GSE1: variants seen among roughly 807,000 people sequenced by gnomAD.
GSE1 encodes the protein genetic suppressor element 1.
A neutral mutation model predicts 112.6 loss-of-function variants in GSE1; 32 were observed. The observed-to-expected ratio is 0.28, with a 90% confidence interval of 0.21 to 0.38. The LOEUF is 0.38. Among genes scored for constraint, GSE1 ranks in the 10% least tolerant of loss-of-function variants. The pLI, the probability that GSE1 is intolerant of heterozygous loss-of-function variation, is 1.00. For synonymous variants in GSE1, 1,115 were observed against 735.6 expected, an observed-to-expected ratio of 1.52 and a Z score of -8.35; for missense variants, 2,348 against 1,699.2, an observed-to-expected ratio of 1.38 and a Z score of -6.71.
intron 1 of GSE1, among the ~76,000 whole-genome samples, chr16:85,596,957 T>TA (rs1221884865): frequency 4.6e-5 from 7 of 150,710 alleles, no homozygotes; most frequent in Admixed American, 4.6e-4. Flanking sequence ...AATGGCTTTG[T>TA]AGTTGTTTTT....
At chr16:85,478,871 C>CT (rs1353469779) in intron 2 of GSE1, among the ~76,000 whole-genome samples, 1 of 45,834 alleles carries the variant, frequency 2.2e-5, no homozygotes, top group African/African-American at 1.8e-4. Context: ...TTCTTTCTTT[C>CT]TTTCTTTCTT....
chr16:85,452,896 G>T (rs1050625570), intron 2 of GSE1, among the ~76,000 whole-genome samples: 3 of 151,716 alleles, frequency 2.0e-5, no homozygotes, highest in Non-Finnish European at 2.9e-5. Context: ...CTGGGTGGGG[G>T]ACTGGGTGGT....
intron 2 of GSE1, among the ~76,000 whole-genome samples, chr16:85,494,045 G>A (rs561963175): frequency 8.5e-5 from 13 of 152,354 alleles, no homozygotes; most frequent in African/African-American, 2.9e-4. Context: ...TTGCACTCCC[G>A]CCTGGGCGAT....
intron 2 of GSE1, among the ~76,000 whole-genome samples, chr16:85,647,776 A>G (rs893716824): frequency 1.3e-5 from 2 of 152,144 alleles, no homozygotes; most frequent in Non-Finnish European, 2.9e-5. Flanking sequence ...TAGTAGAGAC[A>G]GGGTTTCACC....
chr16:85,656,096 G>A (rs536296787), intron 6 of GSE1, among the ~76,000 whole-genome samples, 179 bp downstream of exon 6: 6 of 152,166 alleles, frequency 3.9e-5, no homozygotes, highest in Admixed American at 2.0e-4. Context: ...CGCCTGTCTC[G>A]GTAGCCGTGG....
At chr16:85,356,831 TG>T (rs1340950275) in intron 1 of GSE1, among the ~76,000 whole-genome samples, 2 of 152,132 alleles carry the variant, frequency 1.3e-5, no homozygotes, top group African/African-American at 4.8e-5. Flanking sequence ...GCACTCCAGT[TG>T]CTCAGAGAGG....
intron 1 of GSE1, chr16:85,285,994 G>C (rs993102559): frequency 6.6e-6 from 1 of 152,358 alleles, no homozygotes; most frequent in African/African-American, 2.4e-5. Context: ...TGGGCACTGG[G>C]CGGTCCCCCA....
intron 2 of GSE1, among the ~76,000 whole-genome samples, chr16:85,521,313 C>G (rs918717254): frequency 2.6e-5 from 4 of 152,220 alleles, no homozygotes; most frequent in Non-Finnish European, 4.4e-5. Context: ...TCACCTCGCG[C>G]TCACCTTTGT....
chr16:85,456,579 C>CATGTGT (rs1491195220), intron 2 of GSE1, among the ~76,000 whole-genome samples: 17 of 91,556 alleles, frequency 1.9e-4, no homozygotes, highest in African/African-American at 5.1e-4. Context: ...ATTTTCCTGC[C>CATGTGT]GTGTGTGTGT....
At chr16:85,404,463 C>T (rs1597622057) in intron 2 of GSE1, among the ~76,000 whole-genome samples, 1 of 50,374 alleles carries the variant, frequency 2.0e-5, no homozygotes, top group African/African-American at 1.2e-4. Flanking sequence ...CACTCAGGCC[C>T]CCCGGATAAT....
chr16:85,452,901 G>C (rs572162296), intron 2 of GSE1, among the ~76,000 whole-genome samples: 64 of 151,648 alleles, frequency 4.2e-4, no homozygotes, highest in African/African-American at 1.5e-3. Context: ...TGGGGGACTG[G>C]GTGGTCGCTC....
chr16:85,500,998 GTTTTTTTTTTTT>G (rs55650214), intron 2 of GSE1, among the ~76,000 whole-genome samples: 1 of 64,826 alleles, frequency 1.5e-5, no homozygotes, highest in Non-Finnish European at 2.6e-5. Flanking sequence ...GGCCTGTTCT[GTTTTTTTTTTTT>G]TTTTTTTTTT....
At chr16:85,229,696 C>A (rs1231510125) in intron 1 of GSE1, among the ~76,000 whole-genome samples, 3 of 152,220 alleles carry the variant, frequency 2.0e-5, no homozygotes, top group Non-Finnish European at 4.4e-5. Context: ...AGACTGACTC[C>A]TGAAACCAAT....
chr16:85,510,761 C>T (rs2051715411), intron 2 of GSE1, among the ~76,000 whole-genome samples: 1 of 152,146 alleles, frequency 6.6e-6, no homozygotes. Context: ...CTGCAGGCCT[C>T]CTGCTCAACC....
At chr16:85,628,380 T>C (rs1038269614) in intron 1 of GSE1, among the ~76,000 whole-genome samples, 1 of 152,158 alleles carries the variant, frequency 6.6e-6, no homozygotes, top group African/African-American at 2.4e-5. Context: ...AGACTGTACC[T>C]GGGGCTGGAG....
At chr16:85,353,957 G>T (rs531559446) in intron 1 of GSE1, among the ~76,000 whole-genome samples, 1 of 152,228 alleles carries the variant, frequency 6.6e-6, no homozygotes, top group African/African-American at 2.4e-5. Flanking sequence ...CTCCGTGTCT[G>T]TTGAACAATC....
At chr16:85,356,234 T>A (rs911311260) in intron 1 of GSE1, among the ~76,000 whole-genome samples, 1 of 152,180 alleles carries the variant, frequency 6.6e-6, no homozygotes, top group Non-Finnish European at 1.5e-5. Context: ...GTCGTCATGG[T>A]AGTTCTTGCT....
At chr16:85,421,341 G>C (rs1287217153) in intron 2 of GSE1, among the ~76,000 whole-genome samples, 1 of 152,080 alleles carries the variant, frequency 6.6e-6, no homozygotes, top group East Asian at 1.9e-4. Flanking sequence ...GCTTTCCACA[G>C]GGTCACCCCA....
chr16:85,590,223 C>T (rs2046930652), intron 1 of GSE1, among the ~76,000 whole-genome samples: 1 of 148,762 alleles, frequency 6.7e-6, no homozygotes, highest in Non-Finnish European at 1.5e-5. Context: ...CATGTGTGAC[C>T]TTGTGTGCGT....
Sources: allele counts gnomAD v4.1 joint callset (sites outside exome capture counted in the v4.1 genomes callset), GRCh38; gene constraint gnomAD v4.1.1; transcripts MANE v1.5; gene names NCBI Gene and HGNC (gene_info 2026-07-23, HGNC 2026-07-21).